Variants in ZSWIM7 observed in about 807,000 individuals in gnomAD.
The protein encoded by ZSWIM7 is zinc finger SWIM domain-containing protein 7.
ZSWIM7 carries 22 observed loss-of-function variants against 21.1 expected under a neutral mutation model. The observed-to-expected ratio is 1.04, with a 90% CI of 0.74 to 1.49. The LOEUF (loss-of-function observed/expected upper bound fraction) is 1.49. Ranked by LOEUF, ZSWIM7 falls within the 40% of genes most tolerant of loss-of-function variation. ZSWIM7 has a pLI of 0.00. For synonymous variants in ZSWIM7, 67 were observed against 66.5 expected (o/e 1.01, Z -0.04); for missense variants, 193 against 168.0 (o/e 1.15, Z -0.82).
chr17:15,982,319 C>T (rs1001119722), intron 3 of ZSWIM7, among the ~76,000 whole-genome samples: 1 of 151,970 alleles, frequency 6.6e-6, no homozygotes, highest in African/African-American at 2.4e-5. Flanking sequence ...CACCTGGAGG[C>T]GTAAGATTAT....
intron 3 of ZSWIM7, among the ~76,000 whole-genome samples, chr17:15,981,593 G>A (rs1027903315): frequency 6.6e-6 from 1 of 152,112 alleles, no homozygotes; most frequent in Non-Finnish European, 1.5e-5. Flanking sequence ...CAGGCAAAGG[G>A]TCAGTAGCAG....
chr17:15,987,974 T>A (rs1970436065), intron 2 of ZSWIM7, among the ~76,000 whole-genome samples: 1 of 152,188 alleles, frequency 6.6e-6, no homozygotes, highest in Non-Finnish European at 1.5e-5. Flanking sequence ...TATACTTCTC[T>A]GTAGTGCATC....
intron 3 of ZSWIM7, among the ~76,000 whole-genome samples, chr17:15,982,137 C>CT (rs1254170881): frequency 1.3e-5 from 2 of 152,048 alleles, no homozygotes; most frequent in African/African-American, 4.8e-5. Context: ...GAGGCACAGT[C>CT]TAACAGTCTT....
intron 4 of ZSWIM7, among the ~76,000 whole-genome samples, chr17:15,978,854 G>A (rs1321924153): frequency 6.6e-6 from 1 of 151,846 alleles, no homozygotes; most frequent in East Asian, 1.9e-4. Flanking sequence ...GCTGTGAAGT[G>A]CTTCTCATAG....
chr17:15,993,091 T>C (rs1432541095), intron 2 of ZSWIM7, among the ~76,000 whole-genome samples: 1 of 152,118 alleles, frequency 6.6e-6, no homozygotes, highest in African/African-American at 2.4e-5. Context: ...TTGGTCAGGC[T>C]GGTCTTGAAC....
At chr17:15,985,540 A>T (rs1199379471) in intron 3 of ZSWIM7, among the ~76,000 whole-genome samples, 1 of 152,124 alleles carries the variant, frequency 6.6e-6, no homozygotes, top group Non-Finnish European at 1.5e-5. Context: ...ATACAATGCA[A>T]CCATTAAGGT....
chr17:15,999,646 C>A lies in ZSWIM7; in HGVS notation c.-52G>T. On this transcript the variant is annotated 5_prime_UTR_variant, in exon 1 of 5. Transcript: ENST00000399277. ...CCGGCGGACCGCCGCGACGCTCCAG[C>A]TGACTGCGCCTACCTGTGGAGGATC... The A allele has an allele frequency of 6.4e-7, 1 of 1,565,238 alleles. No individual in the cohort carries two copies. The highest frequency in any genetic ancestry group is 8.6e-7 in the Non-Finnish European group (1 of 1,156,160).
At position 15,987,373 on chromosome 17, in the gene ZSWIM7, G is replaced by A. The variant is rs1258159034; in HGVS notation, c.99-5C>T. ...GAGCCAAAGAGAAACTTCAGCCTGTGAAATAAAAACACTTCAGATTAGAAG... is the reference window on the plus strand; with the variant it reads ...GAGCCAAAGAGAAACTTCAGCCTGTAAAATAAAAACACTTCAGATTAGAAG... On this transcript the variant is annotated splice_polypyrimidine_tract_variant and splice_region_variant and intron_variant, in intron 2 of 4. Coordinates refer to ENST00000399277, the MANE Select transcript of ZSWIM7 (RefSeq NM_001042697.2). 6.2e-7 allele frequency: 1 copy of A among 1,611,730 alleles called. No individual in the cohort carries two copies.
intron 1 of ZSWIM7, among the ~76,000 whole-genome samples, chr17:15,998,271 A>C (rs1246347923): frequency 6.6e-6 from 1 of 152,100 alleles, no homozygotes; most frequent in Non-Finnish European, 1.5e-5. Flanking sequence ...CTTTTTTCCC[A>C]TCCTTTTTGG....
At chr17:15,986,812 T>C (rs1970417397) in intron 3 of ZSWIM7, 1 of 152,206 alleles carries the variant, frequency 6.6e-6, no homozygotes, top group African/African-American at 2.4e-5. Context: ...GTAATCCCAA[T>C]ATTGTGAGAG....
At chr17:15,993,904 G>T in intron 1 of ZSWIM7, 126 bp from the exon 2 acceptor site, 1 of 641,056 alleles carries the variant, frequency 1.6e-6, no homozygotes, top group Non-Finnish European at 2.7e-6. Flanking sequence ...CTATGCATCT[G>T]GTTTTACTCC....
At chr17:15,987,207 G>A (rs1297761377) in intron 3 of ZSWIM7, 59 bp downstream of exon 3, 18 of 1,379,870 alleles carry the variant, frequency 1.3e-5, no homozygotes, top group Non-Finnish European at 1.8e-5. Flanking sequence ...CTACAGAGAT[G>A]AAGAACATTT....
chr17:15,977,920 G>T lies in ZSWIM7; in HGVS notation c.*127C>A, dbSNP rs1970298939. On this transcript the variant is annotated 3_prime_UTR_variant, in exon 5 of 5. Coordinates refer to ENST00000399277, the MANE Select transcript of ZSWIM7 (RefSeq NM_001042697.2). ...CACAGCACCTCCTGCAGTCCTGGAG[G>T]GAAAAGGGACAGTAACATGAAGTGT... 2.5e-6 allele frequency: 2 copies of T among 801,030 alleles called. No individual in the cohort carries two copies. Among genetic ancestry groups the T allele is most frequent in the South Asian group, 1.6e-5 (1 of 63,778 alleles). 49.6% of individuals were successfully genotyped at this position (801,030 alleles called of 1,614,324 possible). A position where few individuals can be genotyped will look rare whatever the true frequency, so the allele number is the denominator to read the frequency against.
chr17:15,976,682 T>G lies in ZSWIM7; in HGVS notation c.*1365A>C, dbSNP rs1970281666. 6.6e-6 allele frequency: 1 copy of G among 152,238 alleles called. No individual in the cohort carries two copies. Among genetic ancestry groups the G allele is most frequent in the South Asian group, 2.1e-4 (1 of 4,826 alleles). The allele number at this position is 152,238 out of a possible 1,614,324, so 9.4% of individuals were successfully genotyped here. On this transcript the variant is annotated 3_prime_UTR_variant, in exon 5 of 5. Coordinates refer to ENST00000399277, the MANE Select transcript of ZSWIM7 (RefSeq NM_001042697.2). Reference sequence around the variant, plus strand: ...GCCCTGGGCTTTCCCCCAGCATTCATTCACTAGCACCTCATGTTTTGGGGG... The same window carrying G: ...GCCCTGGGCTTTCCCCCAGCATTCAGTCACTAGCACCTCATGTTTTGGGGG...
At chr17:15,987,497 C>G in intron 2 of ZSWIM7, 129 bp from the exon 3 acceptor site, 1 of 734,748 alleles carries the variant, frequency 1.4e-6, no homozygotes, top group South Asian at 1.7e-5. Context: ...GAAAATAATA[C>G]AGCAAAACCC....
rs141712387 is a variant in ZSWIM7 at position 15,986,636 on chromosome 17, A to C, written c.201+630T>G. Among the ~76,000 whole-genome samples, 29 of 152,014 alleles carry C rather than the reference A, an allele frequency of 1.9e-4. 1 individual carries two copies. Among genetic ancestry groups the C allele is most frequent in the African/African-American group, 6.8e-4 (28 of 41,460 alleles). On this transcript the variant is annotated intron_variant, in intron 3 of 4. Transcript: ENST00000399277. Reference sequence around the variant, plus strand: ...AAAAGTTGAACTCATAGAAAAAGAAATAGTGGTTACCAGGGGCCTTGGGGT... The same window carrying C: ...AAAAGTTGAACTCATAGAAAAAGAACTAGTGGTTACCAGGGGCCTTGGGGT...
chr17:15,984,546 G>C (rs1374641695), intron 3 of ZSWIM7, among the ~76,000 whole-genome samples: 1 of 152,228 alleles, frequency 6.6e-6, no homozygotes, highest in Non-Finnish European at 1.5e-5. Context: ...GTCGCAAGGA[G>C]AGGTGACCCA....
At chr17:15,995,115 T>G (rs187675132) in intron 1 of ZSWIM7, among the ~76,000 whole-genome samples, 103 of 152,144 alleles carry the variant, frequency 6.8e-4, no homozygotes, top group Non-Finnish European at 1.3e-3. Context: ...GAAGGCATAA[T>G]AAGAAGAAAA....
chr17:15,993,162 G>A (rs1970506584), intron 2 of ZSWIM7, among the ~76,000 whole-genome samples: 1 of 151,970 alleles, frequency 6.6e-6, no homozygotes, highest in African/African-American at 2.4e-5. Flanking sequence ...GCAGGTGTGA[G>A]CCACGGTGCC....
Sources: gnomAD v4.1 joint callset for allele counts (sites outside exome capture counted in the v4.1 genomes callset) on GRCh38, gnomAD v4.1.1 for gene constraint, MANE v1.5 for transcripts, NCBI Gene and HGNC (gene_info 2026-07-23, HGNC 2026-07-21) for gene names.